PLCE1: variants seen among roughly 807,000 people sequenced by gnomAD.
PLCE1 encodes the protein phospholipase C epsilon 1.
A neutral mutation model predicts 242.8 loss-of-function variants in PLCE1; 119 were observed. That is an observed-to-expected ratio of 0.49 (90% CI 0.42 to 0.57). PLCE1 has a LOEUF of 0.57. Among genes scored for constraint, PLCE1 ranks in the 20% least tolerant of loss-of-function variants. The pLI is 0.00. For missense variants in PLCE1, 2,441 were observed against 2,788.8 expected (o/e 0.88, Z 2.81); for synonymous variants, 945 against 1,017.4 (o/e 0.93, Z 1.35).
chr10:94,270,750 A>C (rs185322707), intron 18 of PLCE1, 148 bp downstream of exon 18: 357 of 721,572 alleles, frequency 4.9e-4, no homozygotes, highest in African/African-American at 3.1e-3. Flanking sequence ...GCTCACTGCA[A>C]CCTCTGCCTC....
At chr10:94,029,127 T>C (rs1233188070) in intron 1 of PLCE1, among the ~76,000 whole-genome samples, 1 of 152,130 alleles carries the variant, frequency 6.6e-6, no homozygotes, top group Non-Finnish European at 1.5e-5. Flanking sequence ...TTTATAATTA[T>C]AATAACAACA....
intron 2 of PLCE1, among the ~76,000 whole-genome samples, chr10:94,047,940 CA>C (rs2043641213): frequency 6.6e-6 from 1 of 152,092 alleles, no homozygotes. Context: ...TTGTACACTT[CA>C]AAATGGTGAT....
At chr10:94,077,165 G>A (rs893018427) in intron 2 of PLCE1, among the ~76,000 whole-genome samples, 8 of 152,158 alleles carry the variant, frequency 5.3e-5, no homozygotes, top group Non-Finnish European at 1.2e-4. Flanking sequence ...AATGTGATTC[G>A]CTCTGGTGTT....
intron 28 of PLCE1, among the ~76,000 whole-genome samples, chr10:94,315,924 A>C (rs971656422): frequency 6.6e-6 from 1 of 151,554 alleles, no homozygotes; most frequent in Non-Finnish European, 1.5e-5. Flanking sequence ...CAAGGGATTA[A>C]GTATCTTACC....
chr10:94,327,140 G>A (rs370202463), intron 32 of PLCE1, among the ~76,000 whole-genome samples: 53 of 152,268 alleles, frequency 3.5e-4, no homozygotes, highest in African/African-American at 1.1e-3. Context: ...CCAGCCTAGC[G>A]ACAGAGCGAG....
At chr10:94,295,318 A>G (rs2052775951) in intron 23 of PLCE1, among the ~76,000 whole-genome samples, 1 of 152,196 alleles carries the variant, frequency 6.6e-6, no homozygotes, top group Non-Finnish European at 1.5e-5. Context: ...CATTTCAACA[A>G]TGTTCACAGG....
At chr10:94,267,406 A>C (rs981386523) in intron 16 of PLCE1, among the ~76,000 whole-genome samples, 2 of 152,140 alleles carry the variant, frequency 1.3e-5, no homozygotes, top group Non-Finnish European at 2.9e-5. Flanking sequence ...CCTCAAATAG[A>C]CTCAGAGATG....
At chr10:94,178,724 TA>T (rs1233551861) in intron 4 of PLCE1, among the ~76,000 whole-genome samples, 4 of 152,198 alleles carry the variant, frequency 2.6e-5, no homozygotes, top group Non-Finnish European at 4.4e-5. Context: ...TTCCAGCATC[TA>T]AAAGCCTGTC....
In PLCE1 at chr10:94,031,108, C is replaced by G. The variant is rs745312368; in HGVS notation, c.62C>G (p.Ser21Cys). Residue 21 changes from serine to cysteine, a missense_variant, in exon 2 of 33, where the codon TCT (serine) becomes TGT (cysteine). Transcript: ENST00000371380. ...LIPVTQRKVV[S>C]AQSAADESSE... The stretch of plus-strand genomic sequence containing the variant: ...CCTGTGACTCAGAGAAAAGTGGTTT[C>G]TGCCCAGTCGGCTGCAGATGAAAGT... 5 of 1,613,754 alleles carry G rather than the reference C, an allele frequency of 3.1e-6. No individual in the cohort carries two copies. The highest frequency in any genetic ancestry group is 4.2e-6 in the Non-Finnish European group (5 of 1,179,762).
At chr10:94,061,042 C>T (rs1376606517) in intron 2 of PLCE1, among the ~76,000 whole-genome samples, 1 of 152,102 alleles carries the variant, frequency 6.6e-6, no homozygotes, top group Non-Finnish European at 1.5e-5. Flanking sequence ...TTCTTAGTCT[C>T]CGTACTGAGA....
At chr10:94,230,733 C>T (rs1032273604) in intron 5 of PLCE1, among the ~76,000 whole-genome samples, 2 of 152,136 alleles carry the variant, frequency 1.3e-5, no homozygotes, top group Admixed American at 6.5e-5. Flanking sequence ...CTTTGGCTTC[C>T]AAGTAGCTAG....
At chr10:94,071,472 C>CTG (rs796168542) in intron 2 of PLCE1, among the ~76,000 whole-genome samples, 8 of 132,280 alleles carry the variant, frequency 6.0e-5, no homozygotes, top group East Asian at 4.5e-4. Flanking sequence ...CGGGTTTTGT[C>CTG]TGTGTGTGTG....
At chr10:94,212,358 G>A (rs1333364784) in intron 4 of PLCE1, among the ~76,000 whole-genome samples, 2 of 152,110 alleles carry the variant, frequency 1.3e-5, no homozygotes, top group African/African-American at 2.4e-5. Flanking sequence ...CCGGGTTCAC[G>A]CCATTCTCCT....
intron 2 of PLCE1, among the ~76,000 whole-genome samples, chr10:94,089,983 CT>C (rs1227758850): frequency 6.6e-6 from 1 of 151,954 alleles, no homozygotes; most frequent in Non-Finnish European, 1.5e-5. Flanking sequence ...TTCAAATATG[CT>C]TTTTAAAAAA....
intron 3 of PLCE1, chr10:94,137,970 T>C: frequency 2.5e-6 from 1 of 393,592 alleles, no homozygotes; most frequent in Non-Finnish European, 5.0e-6. Flanking sequence ...TTGCACTCCA[T>C]TCATCCTGAT....
chr10:94,165,312 C>T (rs2136258318), intron 3 of PLCE1, among the ~76,000 whole-genome samples: 1 of 152,358 alleles, frequency 6.6e-6, no homozygotes, highest in South Asian at 2.1e-4. Flanking sequence ...TGTTTACCTA[C>T]TCAAGCCTCA....
At position 94,305,048 on chromosome 10, in the gene PLCE1, G is replaced by A. The variant is rs148864939; in HGVS notation, c.5622+403G>A. On this transcript the variant is annotated intron_variant, in intron 25 of 32. Coordinates refer to ENST00000371380, the MANE Select transcript of PLCE1 (RefSeq NM_016341.4). ...AAATACAATTAAGTATATTTCCTCC[G>A]TATAATTTAACCTTTATCATTCCTG... Among the ~76,000 whole-genome samples, 351 of 152,214 alleles carry A rather than the reference G, an allele frequency of 2.3e-3. 2 individuals carry two copies. Among genetic ancestry groups the A allele is most frequent in the African/African-American group, 7.8e-3 (325 of 41,526 alleles).
chr10:94,223,082 C>G (rs757714509), intron 4 of PLCE1, among the ~76,000 whole-genome samples: 1 of 151,764 alleles, frequency 6.6e-6, no homozygotes, highest in Non-Finnish European at 1.5e-5. Context: ...GCAGTGCTGC[C>G]TAAAGGATGA....
At chr10:94,295,697 G>T (rs1169742439) in intron 23 of PLCE1, among the ~76,000 whole-genome samples, 1 of 152,190 alleles carries the variant, frequency 6.6e-6, no homozygotes. Context: ...ACCTATGGAA[G>T]CTTTAGCCTT....
Sources: gnomAD v4.1 joint callset for allele counts (sites outside exome capture counted in the v4.1 genomes callset) on GRCh38, gnomAD v4.1.1 for gene constraint, MANE v1.5 for transcripts, NCBI Gene and HGNC (gene_info 2026-07-23, HGNC 2026-07-21) for gene names.